ST8SIA6: variants seen among roughly 807,000 people sequenced by gnomAD.
ST8SIA6 encodes alpha-2,8-sialyltransferase 8F.
A neutral mutation model predicts 33.6 loss-of-function variants in ST8SIA6; 39 were observed. That is an observed-to-expected ratio of 1.16 (90% CI 0.90 to 1.52). ST8SIA6 has a LOEUF of 1.52. ST8SIA6 is among the 40% of genes most tolerant of loss of function. The probability of loss-of-function intolerance (pLI) is 0.00; values close to 1 mark genes in which losing one functional copy is unlikely to be tolerated. For missense variants in ST8SIA6, 441 were observed against 443.8 expected, an observed-to-expected ratio of 0.99 and a Z score of 0.06; for synonymous variants, 172 against 167.2, an observed-to-expected ratio of 1.03 and a Z score of -0.22.
intron 3 of ST8SIA6, among the ~76,000 whole-genome samples, chr10:17,386,488 G>C (rs537251133): frequency 6.6e-6 from 1 of 152,296 alleles, no homozygotes; most frequent in African/African-American, 2.4e-5. Context: ...GCAGTGAGTC[G>C]ACATCGCACC....
intron 3 of ST8SIA6, among the ~76,000 whole-genome samples, chr10:17,371,782 TTAAA>T (rs1849741412): frequency 3.4e-5 from 3 of 89,552 alleles, no homozygotes; most frequent in South Asian, 4.7e-4. Flanking sequence ...CAAGACTCCA[TTAAA>T]AAAAAAAAAA....
chr10:17,333,705 A>C lies in ST8SIA6; in HGVS notation c.378-2153T>G, dbSNP rs1301807606. 1.1e-3 allele frequency among the ~76,000 whole-genome samples: 28 copies of C among 25,654 alleles called. 1 individual carries two copies. The highest frequency in any genetic ancestry group is 2.1e-3 in the African/African-American group (10 of 4,760). The allele number at this position is 25,654 out of a possible 152,430, so 16.8% of individuals were successfully genotyped here. ...TATATATATATATATATATATATAT[A>C]TATATATATATATTTTTTTTTTTTT... On this transcript the variant is annotated intron_variant, in intron 4 of 7. Coordinates refer to ENST00000377602, the MANE Select transcript of ST8SIA6 (RefSeq NM_001004470.3).
intron 2 of ST8SIA6, among the ~76,000 whole-genome samples, chr10:17,406,637 CGGTTGT>C (rs766397373): frequency 3.3e-5 from 5 of 152,182 alleles, no homozygotes; most frequent in Middle Eastern, 3.4e-3. Flanking sequence ...TATACAGCGG[CGGTTGT>C]TACTGTCTTG....
intron 3 of ST8SIA6, among the ~76,000 whole-genome samples, chr10:17,366,732 G>GTAC (rs1449108812): frequency 6.6e-6 from 1 of 152,042 alleles, no homozygotes; most frequent in Non-Finnish European, 1.5e-5. Flanking sequence ...TGAAGACAAG[G>GTAC]GTGGTAGCCT....
intron 2 of ST8SIA6, among the ~76,000 whole-genome samples, chr10:17,430,741 C>A (rs1397251034): frequency 6.6e-6 from 1 of 152,082 alleles, no homozygotes; most frequent in East Asian, 1.9e-4. Flanking sequence ...GATTATTTTT[C>A]TCTTGCTGAT....
intron 3 of ST8SIA6, among the ~76,000 whole-genome samples, chr10:17,380,498 G>A (rs1850092440): frequency 6.6e-6 from 1 of 152,086 alleles, no homozygotes; most frequent in Non-Finnish European, 1.5e-5. Context: ...CTCTGAAGTG[G>A]GAGGAAAATG....
intron 4 of ST8SIA6, among the ~76,000 whole-genome samples, chr10:17,347,614 G>A (rs1328033347): frequency 6.6e-6 from 1 of 152,144 alleles, no homozygotes; most frequent in Non-Finnish European, 1.5e-5. Flanking sequence ...GCCTTCAGGT[G>A]CCATTTGCAA....
rs1353121115 is a variant in ST8SIA6, at chr10:17,319,005, C to T, written c.*1873G>A. Among the ~76,000 whole-genome samples, 1 of 152,128 alleles carries T rather than the reference C, an allele frequency of 6.6e-6. No individual in the cohort carries two copies. Among genetic ancestry groups the T allele is most frequent in the Admixed American group, 6.6e-5 (1 of 15,256 alleles). On this transcript the variant is annotated 3_prime_UTR_variant, in exon 8 of 8. Coordinates refer to ENST00000377602, the MANE Select transcript of ST8SIA6 (RefSeq NM_001004470.3). ...TTTTACTCCCTTTAGTTCTCTGCAACACACTGACTATGCTAGAAAGAGAGT... is the reference window on the plus strand; with the variant it reads ...TTTTACTCCCTTTAGTTCTCTGCAATACACTGACTATGCTAGAAAGAGAGT...
At chr10:17,368,586 T>C (rs1849636754) in intron 3 of ST8SIA6, among the ~76,000 whole-genome samples, 1 of 151,670 alleles carries the variant, frequency 6.6e-6, no homozygotes, top group African/African-American at 2.4e-5. Context: ...AAAAAGAAAG[T>C]ACGAGGAATA....
intron 3 of ST8SIA6, among the ~76,000 whole-genome samples, chr10:17,383,757 T>A (rs1218627512): frequency 6.6e-6 from 1 of 152,228 alleles, no homozygotes; most frequent in African/African-American, 2.4e-5. Flanking sequence ...TTCATGAGTA[T>A]CAAGCAAAAC....
chr10:17,362,602 T>C (rs541827058), intron 3 of ST8SIA6, among the ~76,000 whole-genome samples: 1 of 152,344 alleles, frequency 6.6e-6, no homozygotes, highest in Admixed American at 6.5e-5. Context: ...TGACTTTACA[T>C]GTTGGTTTCT....
Position 17,316,176 on chromosome 10 carries a change from T to A in ST8SIA6, c.*4702A>T, listed in dbSNP as rs916125685. Among the ~76,000 whole-genome samples, 2 of 152,082 alleles carry A rather than the reference T, an allele frequency of 1.3e-5. No individual in the cohort carries two copies. Among genetic ancestry groups the A allele is most frequent in the Non-Finnish European group, 2.9e-5 (2 of 67,928 alleles). Reference sequence around the variant, plus strand: ...TAAACCCACTCCGATTACCCTCTTCTTAATGGGTACCCTTCTTGTATTTGA... The same window carrying A: ...TAAACCCACTCCGATTACCCTCTTCATAATGGGTACCCTTCTTGTATTTGA... On this transcript the variant is annotated 3_prime_UTR_variant, in exon 8 of 8. Transcript: ENST00000377602.
At chr10:17,342,083 C>T (rs149422624) in intron 4 of ST8SIA6, among the ~76,000 whole-genome samples, 211 of 152,232 alleles carry the variant, frequency 1.4e-3, no homozygotes, top group African/African-American at 4.7e-3. Context: ...CTGTCTATGC[C>T]ATTTGATGAT....
intron 2 of ST8SIA6, among the ~76,000 whole-genome samples, chr10:17,392,168 A>G (rs1375389220): frequency 6.6e-6 from 1 of 152,230 alleles, no homozygotes; most frequent in African/African-American, 2.4e-5. Flanking sequence ...GGAGAAAGGT[A>G]TCAATCAACA....
intron 2 of ST8SIA6, among the ~76,000 whole-genome samples, chr10:17,437,708 T>G (rs890049151): frequency 2.0e-5 from 3 of 149,418 alleles, no homozygotes; most frequent in Admixed American, 1.3e-4. Flanking sequence ...CTTCCTTCCC[T>G]TCCTTCCCTT....
At chr10:17,452,983 T>C (rs964838534) in intron 2 of ST8SIA6, among the ~76,000 whole-genome samples, 6 of 152,112 alleles carry the variant, frequency 3.9e-5, no homozygotes, top group African/African-American at 1.4e-4. Flanking sequence ...CATTTTCTTT[T>C]ATACAGTTCT....
At chr10:17,371,688 C>G (rs55794191) in intron 3 of ST8SIA6, among the ~76,000 whole-genome samples, 27,212 of 148,702 alleles carry the variant, frequency 0.18, 2,597 homozygotes, top group South Asian at 0.22. Flanking sequence ...TGGGAGGTTG[C>G]GACAGGAGAA....
intron 3 of ST8SIA6, among the ~76,000 whole-genome samples, chr10:17,367,205 A>C (rs1421223274): frequency 1.3e-5 from 2 of 152,168 alleles, no homozygotes; most frequent in East Asian, 3.8e-4. Context: ...ATTCATAAAG[A>C]AAAAGAGGTT....
intron 5 of ST8SIA6, among the ~76,000 whole-genome samples, chr10:17,330,730 G>A (rs1007731717): frequency 2.6e-5 from 4 of 152,138 alleles, no homozygotes; most frequent in South Asian, 2.1e-4. Flanking sequence ...AAAGACGCTG[G>A]AGAGTGTATG....
Sources: gnomAD v4.1 joint callset for allele counts (sites outside exome capture counted in the v4.1 genomes callset) on GRCh38, gnomAD v4.1.1 for gene constraint, MANE v1.5 for transcripts, NCBI Gene and HGNC (gene_info 2026-07-23, HGNC 2026-07-21) for gene names.